VPS4A: variants seen among roughly 807,000 people sequenced by gnomAD.
The protein encoded by VPS4A is vacuolar protein sorting 4 homolog A.
VPS4A carries 20 observed loss-of-function variants against 52.3 expected under a neutral mutation model. The ratio of observed to expected loss-of-function variants is 0.38; its 90% CI spans 0.27 to 0.56. The LOEUF is 0.56. Among genes scored for constraint, VPS4A ranks in the 20% least tolerant of loss-of-function variants. The pLI, the probability that VPS4A is intolerant of heterozygous loss-of-function variation, is 0.72. For missense variants in VPS4A, 419 were observed against 575.9 expected (o/e 0.73, Z 2.79); for synonymous variants, 293 against 227.7 (o/e 1.29, Z -2.58).
intron 1 of VPS4A, among the ~76,000 whole-genome samples, chr16:69,313,674 C>G (rs1174402809): frequency 6.6e-6 from 1 of 152,248 alleles, no homozygotes; most frequent in Non-Finnish European, 1.5e-5. Flanking sequence ...CATCCCTGTT[C>G]GTTTATTGAT....
chr16:69,316,176 G>C (rs766137488), intron 2 of VPS4A, 49 bp from the exon 3 acceptor site: 2 of 1,612,390 alleles, frequency 1.2e-6, no homozygotes, highest in Non-Finnish European at 1.7e-6. Flanking sequence ...CGGAGGAGAG[G>C]GGGTGGCGCA....
intron 10 of VPS4A, among the ~76,000 whole-genome samples, chr16:69,323,969 A>C (rs368592718): frequency 9.3e-5 from 14 of 150,332 alleles, no homozygotes; most frequent in African/African-American, 3.2e-4. Context: ...AAAAAAAGAA[A>C]GCAAGTTCGT....
intron 1 of VPS4A, among the ~76,000 whole-genome samples, chr16:69,315,168 C>T (rs776694606): frequency 9.2e-5 from 14 of 151,980 alleles, no homozygotes; most frequent in Non-Finnish European, 1.6e-4. Flanking sequence ...CAGTGCACTC[C>T]GGCCTAGATG....
rs1458863304 is a variant in VPS4A at position 69,321,305 on chromosome 16, A to G, written c.1071+35A>G. On this transcript the variant is annotated intron_variant, in intron 9 of 10. Transcript: ENST00000254950. The surrounding 1 kb of genome is among the most constrained non-coding windows in gnomAD (Gnocchi z 4.5). Reference sequence around the variant, plus strand: ...CGCGGCCACTGCTGAGAAAAATCTCATAGTAAGAGCGGGATGTTCGGTTTT... The same window carrying G: ...CGCGGCCACTGCTGAGAAAAATCTCGTAGTAAGAGCGGGATGTTCGGTTTT... The G allele has an allele frequency of 1.3e-6, 2 of 1,538,796 alleles. No homozygotes were observed. Among genetic ancestry groups the G allele is most frequent in the East Asian group, 2.5e-5 (1 of 40,716 alleles).
rs772968808 is a variant in VPS4A, at chr16:69,320,210, T to C, written c.690T>C (p.Asp230=). 21 of 1,613,980 alleles carry C rather than the reference T, an allele frequency of 1.3e-5. No homozygotes were observed. Among genetic ancestry groups the C allele is most frequent in the Admixed American group, 1.7e-5 (1 of 60,030 alleles). Residue 230 remains aspartate, a synonymous_variant, in exon 7 of 11, where the codon GAT becomes GAC. Coordinates refer to ENST00000254950, the MANE Select transcript of VPS4A (RefSeq NM_013245.3). The surrounding 1 kb of genome is among the most constrained non-coding windows in gnomAD (Gnocchi z 4.2). ...CCATCATCTTCATCGATGAGGTGGA[T>C]TCCCTCTGCGGGTCCCGAAATGAAA... is the stretch of plus-strand genomic sequence containing the variant. ...KPSIIFIDEV[D]SLCGSRNENE...
At position 69,320,719 on chromosome 16, in the gene VPS4A, T is replaced by C. The variant is rs770801466; in HGVS notation, c.801T>C (p.Val267=). ...GVGNNNDGTL[V]LGATNIPWVL... ...GGAATAACAATGATGGGACTCTGGT[T>C]CTTGGAGCCACAAACATCCCATGGG... Residue 267 remains valine (V), a synonymous_variant, in exon 8 of 11, where the codon GTT becomes GTC. Transcript: ENST00000254950. The surrounding 1 kb of genome is among the most constrained non-coding windows in gnomAD (Gnocchi z 4.2). 6.2e-7 allele frequency: 1 copy of C among 1,608,738 alleles called. No individual in the cohort carries two copies. Among genetic ancestry groups the C allele is most frequent in the Non-Finnish European group, 8.5e-7 (1 of 1,177,736 alleles).
rs766932017 is a variant in VPS4A, at chr16:69,318,676, A to G, written c.308A>G (p.Asn103Ser). The G allele has an allele frequency of 6.2e-7, 1 of 1,612,946 alleles. No individual in the cohort carries two copies. The highest frequency in any genetic ancestry group is 8.5e-7 in the Non-Finnish European group (1 of 1,179,394). The stretch of plus-strand genomic sequence containing the variant: ...AGTGACAGTGACAGTGAAGGGGATA[A>G]TCCGGAGAAAAAGAAACTGCAAGAA... Reference protein sequence around the residue: ...KGSDSDSEGDNPEKKKLQEQL... With the variant: ...KGSDSDSEGDSPEKKKLQEQL... Residue 103 changes from asparagine (N) to serine (S), a missense_variant, in exon 4 of 11, where the codon AAT becomes AGT. Around this residue, in one of 3 missense-constraint regions of VPS4A, gnomAD observed 131 missense variants for 165.4 expected, o/e 0.79. Transcript: ENST00000254950.
chr16:69,320,994 C>G lies in VPS4A; in HGVS notation c.852-57C>G. On this transcript the variant is annotated intron_variant, in intron 8 of 10. Transcript: ENST00000254950. This position sits in a 1 kb window ranked among gnomAD's most constrained non-coding sequence, Gnocchi z 4.2. ...CACTCAAATCTTCGTGCCTCCCCTT[C>G]CGTGAATACCATTCCATCATCCGCT... 1.3e-6 allele frequency: 2 copies of G among 1,508,588 alleles called. No homozygotes were observed. Among genetic ancestry groups the G allele is most frequent in the East Asian group, 2.5e-5 (1 of 40,468 alleles). The allele number at this position is 1,508,588 out of a possible 1,614,324, so 93.5% of individuals were successfully genotyped here.
Position 69,321,272 on chromosome 16 carries a change from T to G in VPS4A, c.1071+2T>G. 1 of 1,550,828 alleles carries G rather than the reference T, an allele frequency of 6.4e-7. No homozygotes were observed. Among genetic ancestry groups the G allele is most frequent in the Non-Finnish European group, 8.7e-7 (1 of 1,147,314 alleles). ...CAGTCGGCCACACACTTCAAAAAGG[T>G]GAGTGCCCGCGGCCACTGCTGAGAA... On this transcript the variant is annotated splice_donor_variant, in intron 9 of 10. Coordinates refer to ENST00000254950, the MANE Select transcript of VPS4A (RefSeq NM_013245.3). LOFTEE classifies it high-confidence loss of function. This position sits in a 1 kb window ranked among gnomAD's most constrained non-coding sequence, Gnocchi z 4.5.
intron 3 of VPS4A, among the ~76,000 whole-genome samples, chr16:69,316,961 G>A (rs529982434): frequency 3.6e-4 from 55 of 152,198 alleles, no homozygotes; most frequent in African/African-American, 1.3e-3. Flanking sequence ...CTCAGGTACT[G>A]GGTTCGCCCA....
At position 69,317,596 on chromosome 16, in the gene VPS4A, A is replaced by G. The variant is rs527626476; in HGVS notation, c.282-1054A>G. Among the ~76,000 whole-genome samples, 6 of 152,308 alleles carry G rather than the reference A, an allele frequency of 3.9e-5. 1 individual carries two copies. In the East Asian group the frequency reaches 7.7e-4, roughly 20 times the overall value. ...ATCACGAGGTCAGGAGATTGAGACCATCCTGGCTAACACGGTGAAACCCCG... is the reference window on the plus strand; with the variant it reads ...ATCACGAGGTCAGGAGATTGAGACCGTCCTGGCTAACACGGTGAAACCCCG... On this transcript the variant is annotated intron_variant, in intron 3 of 10. Coordinates refer to ENST00000254950, the MANE Select transcript of VPS4A (RefSeq NM_013245.3).
At chr16:69,322,736 C>T (rs1965529630) in intron 10 of VPS4A, 36 bp downstream of exon 10, 1 of 1,581,086 alleles carries the variant, frequency 6.3e-7, no homozygotes, top group Non-Finnish European at 8.6e-7. Flanking sequence ...GAGGGCTGCA[C>T]AGAGCCCAGA....
rs375698468 is a variant in VPS4A at position 69,318,679 on chromosome 16, C to T, written c.311C>T (p.Pro104Leu). Residue 104 changes from proline to leucine, a missense_variant, in exon 4 of 11, where the codon CCG becomes CTG. Pro to Leu is a moderately conservative substitution (Grantham distance 98). Coordinates refer to ENST00000254950, the MANE Select transcript of VPS4A (RefSeq NM_013245.3). ...GSDSDSEGDN[P>L]EKKKLQEQLM... ...GACAGTGACAGTGAAGGGGATAATC[C>T]GGAGAAAAAGAAACTGCAAGAACAG... 34 of 1,612,922 alleles carry T rather than the reference C, an allele frequency of 2.1e-5. No individual in the cohort carries two copies. In the South Asian group the frequency reaches 2.5e-4, roughly 12 times the overall value.
In VPS4A at chr16:69,316,387, C is replaced by T. The variant is rs377299041; in HGVS notation, c.281+15C>T. On this transcript the variant is annotated intron_variant, in intron 3 of 10. Coordinates refer to ENST00000254950, the MANE Select transcript of VPS4A (RefSeq NM_013245.3). ...GAGGGCAAGGGGTGAGTGTCTGCAG[C>T]GTCCGCCCAGGAACCTGGGCCCTCC... 7 of 1,612,528 alleles carry T rather than the reference C, an allele frequency of 4.3e-6. No individual in the cohort carries two copies. The highest frequency in any genetic ancestry group is 4.5e-5 in the East Asian group (2 of 44,898).
At position 69,320,261 on chromosome 16, in the gene VPS4A, C is replaced by G; in HGVS notation, c.741C>G (p.Ile247Met). The change falls in exon 7 of 11, where the codon ATC (isoleucine) becomes ATG (methionine). Residue 247 changes from isoleucine (I) to methionine (M), a missense_variant. Ile to Met is a conservative substitution (Grantham distance 10, BLOSUM62 1). This residue lies in a region of VPS4A where 103 missense variants were observed against 210.3 expected (regional missense o/e 0.49). Coordinates refer to ENST00000254950, the MANE Select transcript of VPS4A (RefSeq NM_013245.3). The surrounding 1 kb of genome is among the most constrained non-coding windows in gnomAD (Gnocchi z 4.2). ...ATGAGAGTGAGGCCGCCCGGAGGAT[C>G]AAAACGGAGTTCTTGGTCCAGATGC... ...NENESEAARRIKTEFLVQMQG... is the reference protein window; with the variant it reads ...NENESEAARRMKTEFLVQMQG... The G allele has an allele frequency of 6.2e-7, 1 of 1,613,938 alleles. No homozygotes were observed. Among genetic ancestry groups the G allele is most frequent in the Non-Finnish European group, 8.5e-7 (1 of 1,179,806 alleles).
In VPS4A at chr16:69,318,788, C is replaced by T. The variant is rs780026482; in HGVS notation, c.344-35C>T. The T allele has an allele frequency of 2.5e-6, 4 of 1,583,090 alleles. No individual in the cohort carries two copies. The Admixed American group carries it at 5.2e-5, about 21-fold the overall frequency. On this transcript the variant is annotated intron_variant, in intron 4 of 10. Coordinates refer to ENST00000254950, the MANE Select transcript of VPS4A (RefSeq NM_013245.3). The stretch of plus-strand genomic sequence containing the variant: ...TGCTGGGTTGGCTCATGCCCCTTGG[C>T]CGGGCCCGGGCCCGGGCCGGCCTCC...
chr16:69,318,501 G>C lies in VPS4A; in HGVS notation c.282-149G>C, dbSNP rs1399064594. 4.9e-6 allele frequency: 4 copies of C among 808,692 alleles called. No homozygotes were observed. The African/African-American group carries it at 6.9e-5, about 14-fold the overall frequency. 50.1% of individuals were successfully genotyped at this position (808,692 alleles called of 1,614,324 possible). On this transcript the variant is annotated intron_variant, in intron 3 of 10. Transcript: ENST00000254950. ...TGAGAGCATTGGCCCAAATGTCCCT[G>C]AAGTACTTGCTTGAGTCACACGGCA... is the stretch of plus-strand genomic sequence containing the variant.
At position 69,325,427 on chromosome 16, in the gene VPS4A, G is replaced by A. The variant is rs528245428; in HGVS notation, c.*1118G>A. The A allele has an allele frequency of 1.3e-5, 1 of 75,042 alleles. No individual in the cohort carries two copies. The highest frequency in any genetic ancestry group is 1.2e-4 in the Admixed American group (1 of 8,630). The allele number at this position is 75,042 out of a possible 1,614,324, so 4.6% of individuals were successfully genotyped here. On this transcript the variant is annotated 3_prime_UTR_variant, in exon 11 of 11. Transcript: ENST00000254950. Reference sequence around the variant, plus strand: ...TCACGCCTGTAATCCCAGCACTTTGGGCCGCTAACATTTAAAAGTCGAGAG... The same window carrying A: ...TCACGCCTGTAATCCCAGCACTTTGAGCCGCTAACATTTAAAAGTCGAGAG...
Position 69,318,761 on chromosome 16 carries a change from G to A in VPS4A, c.343+50G>A, listed in dbSNP as rs755449432. 3.7e-5 allele frequency: 60 copies of A among 1,613,012 alleles called. 3 individuals carry two copies. The highest frequency in any genetic ancestry group is 3.3e-4 in the South Asian group (30 of 91,080). On this transcript the variant is annotated intron_variant, in intron 4 of 10. Transcript: ENST00000254950. ...AGCGGCAGGGGATGAGAGTGGGTCC[G>A]CTGCTGGGTTGGCTCATGCCCCTTG...
Sources: allele counts gnomAD v4.1 joint callset (sites outside exome capture counted in the v4.1 genomes callset), GRCh38; gene constraint gnomAD v4.1.1; regional missense constraint gnomAD v4.1.1; non-coding constraint Gnocchi (gnomAD v3.1); transcripts MANE v1.5; gene names NCBI Gene and HGNC (gene_info 2026-07-23, HGNC 2026-07-21).